Variants in RHBDD1 observed in about 807,000 individuals in gnomAD.
The protein encoded by RHBDD1 is rhomboid-related protein 4.
A neutral mutation model predicts 36.3 loss-of-function variants in RHBDD1; 38 were observed. That is an observed-to-expected ratio of 1.05 (90% confidence interval 0.81 to 1.37). The LOEUF (loss-of-function observed/expected upper bound fraction) is 1.37, where lower values mean the gene tolerates loss of function less well. Among genes scored for constraint, RHBDD1 ranks in the 40% most tolerant of loss-of-function variants. RHBDD1 has a pLI of 0.00. For synonymous variants in RHBDD1, 151 were observed against 136.5 expected (o/e 1.11, Z -0.74); for missense variants, 393 against 377.6 (o/e 1.04, Z -0.34).
At chr2:226,827,750 G>T in the RHBDD1 span, among the ~76,000 whole-genome samples, 1 of 152,160 alleles carries the variant, frequency 6.6e-6, no homozygotes, top group African/African-American at 2.4e-5. Context: ...TAGTAATGTA[G>T]ATTCCCTTGG....
intron 8 of RHBDD1, among the ~76,000 whole-genome samples, chr2:226,972,138 C>T (rs966589226): frequency 2.3e-4 from 35 of 152,218 alleles, no homozygotes; most frequent in Middle Eastern, 3.4e-3. Context: ...TCCATGTGTT[C>T]TCATTGTTCA....
intron 8 of RHBDD1, among the ~76,000 whole-genome samples, chr2:226,925,267 A>G (rs924267322): frequency 1.3e-5 from 2 of 152,226 alleles, no homozygotes; most frequent in Admixed American, 6.5e-5. Flanking sequence ...ATGGTCCAAT[A>G]TTTGTTTTTA....
chr2:226,815,086 C>G, the RHBDD1 span, among the ~76,000 whole-genome samples: 1 of 152,324 alleles, frequency 6.6e-6, no homozygotes, highest in Non-Finnish European at 1.5e-5. Flanking sequence ...GAGACTGTTT[C>G]TATTCCATAG....
chr2:226,891,891 A>G (rs930977710), intron 5 of RHBDD1, among the ~76,000 whole-genome samples: 1 of 152,206 alleles, frequency 6.6e-6, no homozygotes, highest in Non-Finnish European at 1.5e-5. Flanking sequence ...TGTCATCACT[A>G]GACTTTGTAT....
chr2:226,865,647 T>C (rs543136532), intron 4 of RHBDD1, among the ~76,000 whole-genome samples: 14 of 152,304 alleles, frequency 9.2e-5, no homozygotes, highest in African/African-American at 3.4e-4. Flanking sequence ...TGCCTAGGGC[T>C]GTTGGAGTCT....
chr2:226,934,160 C>G (rs1950200231), intron 8 of RHBDD1, among the ~76,000 whole-genome samples: 1 of 152,094 alleles, frequency 6.6e-6, no homozygotes, highest in South Asian at 2.1e-4. Context: ...CATTATAAAA[C>G]TATATTTTTA....
chr2:226,896,198 CTA>C (rs1167528206), intron 5 of RHBDD1, among the ~76,000 whole-genome samples: 2 of 152,174 alleles, frequency 1.3e-5, no homozygotes, highest in Non-Finnish European at 2.9e-5. Context: ...TTAGATGTCT[CTA>C]TTTTGTTGTC....
At chr2:226,904,427 G>GGGGGGGGGGGGC (rs1559252754) in intron 5 of RHBDD1, among the ~76,000 whole-genome samples, 1 of 90,822 alleles carries the variant, frequency 1.1e-5, no homozygotes, top group African/African-American at 4.4e-5. Context: ...GGGGGGAGGG[G>GGGGGGGGGGGGC]GGTCAGGGAA....
At chr2:226,884,475 AATGGAC>A (rs2125426782) in intron 5 of RHBDD1, among the ~76,000 whole-genome samples, 1 of 152,258 alleles carries the variant, frequency 6.6e-6, no homozygotes, top group African/African-American at 2.4e-5. Flanking sequence ...TCTCTCCTTA[AATGGAC>A]ATTGTTCCCC....
At chr2:226,953,713 G>A (rs1442099382) in intron 8 of RHBDD1, among the ~76,000 whole-genome samples, 3 of 152,170 alleles carry the variant, frequency 2.0e-5, no homozygotes, top group Non-Finnish European at 4.4e-5. Flanking sequence ...AAGATCCTCT[G>A]GTACTTACAT....
Position 226,921,009 on chromosome 2 carries a change from A to G in RHBDD1, c.856+6658A>G, listed in dbSNP as rs1464825827. On this transcript the variant is annotated intron_variant, in intron 8 of 8. Transcript: ENST00000392062. ...GTCCAGGGTTTTTCTTTGCTGGGAA[A>G]TTTTTTATTATGGCACCAATCTCAT... 2.6e-5 allele frequency among the ~76,000 whole-genome samples: 4 copies of G among 152,104 alleles called. No individual in the cohort carries two copies. The East Asian group carries it at 7.7e-4, about 29-fold the overall frequency.
chr2:226,841,116 C>T (rs569008206), intron 3 of RHBDD1, among the ~76,000 whole-genome samples: 2 of 151,982 alleles, frequency 1.3e-5, no homozygotes, highest in East Asian at 1.9e-4. Flanking sequence ...TCTTTCAAGG[C>T]GTATTCATTT....
In RHBDD1 at chr2:226,905,056, T is replaced by C. The variant is rs114466596; in HGVS notation, c.567-1737T>C. Among the ~76,000 whole-genome samples, 702 of 152,296 alleles carry C rather than the reference T, an allele frequency of 4.6e-3. 6 individuals carry two copies. Among genetic ancestry groups the C allele is most frequent in the African/African-American group, 0.016 (650 of 41,548 alleles). ...ATATGTAAAAGCCACATAAAGGCTA[T>C]GTTCTTGGAGTCTCCATCAGGCTCT... On this transcript the variant is annotated intron_variant, in intron 5 of 8. Transcript: ENST00000392062.
chr2:226,821,748 T>A, the RHBDD1 span, among the ~76,000 whole-genome samples: 1 of 152,146 alleles, frequency 6.6e-6, no homozygotes, highest in African/African-American at 2.4e-5. Context: ...TCTATATGAA[T>A]TTTTTAAATA....
chr2:226,952,434 A>G (rs562488007), intron 8 of RHBDD1, among the ~76,000 whole-genome samples: 9 of 151,644 alleles, frequency 5.9e-5, no homozygotes, highest in Non-Finnish European at 1.3e-4. Flanking sequence ...AATAGCTGGA[A>G]TTACAGGCAC....
chr2:226,914,408 C>T, intron 8 of RHBDD1, 57 bp downstream of exon 8: 1 of 1,534,188 alleles, frequency 6.5e-7, no homozygotes, highest in Non-Finnish European at 8.8e-7. Context: ...GTAAGGTAGT[C>T]TGAAAAAGAG....
At chr2:226,980,671 C>A (rs1955523391) in intron 8 of RHBDD1, among the ~76,000 whole-genome samples, 1 of 152,106 alleles carries the variant, frequency 6.6e-6, no homozygotes, top group Non-Finnish European at 1.5e-5. Context: ...TCTCTGCTAG[C>A]TTTTTATCTG....
intron 6 of RHBDD1, chr2:226,908,468 C>T (rs532739566): frequency 4.7e-6 from 1 of 212,916 alleles, no homozygotes; most frequent in South Asian, 1.0e-4. Context: ...GGAAGGTTCT[C>T]CATTTAGCCA....
intron 3 of RHBDD1, among the ~76,000 whole-genome samples, chr2:226,854,601 GA>G (rs34985443): frequency 2.9e-3 from 245 of 83,668 alleles, no homozygotes; most frequent in East Asian, 6.3e-3. Context: ...ACTCTGTTTC[GA>G]AAAAAAAAAA....
Sources: allele counts gnomAD v4.1 joint callset (sites outside exome capture counted in the v4.1 genomes callset), GRCh38; gene constraint gnomAD v4.1.1; transcripts MANE v1.5; gene names NCBI Gene and HGNC (gene_info 2026-07-23, HGNC 2026-07-21).